STX6: variants seen among roughly 807,000 people sequenced by gnomAD.
STX6 encodes the protein syntaxin 6.
STX6 carries 23 observed loss-of-function variants against 38.0 expected under a neutral mutation model. The ratio of observed to expected loss-of-function variants is 0.60; its 90% CI spans 0.43 to 0.86. The LOEUF is 0.86. Ranked by LOEUF, STX6 falls within the 40% of genes least tolerant of loss-of-function variation. STX6 has a pLI of 0.00. For synonymous variants in STX6, 123 were observed against 107.5 expected, an observed-to-expected ratio of 1.14 and a Z score of -0.89; for missense variants, 274 against 312.9, an observed-to-expected ratio of 0.88 and a Z score of 0.94.
chr1:181,022,237 G>A (rs901220842), intron 1 of STX6, among the ~76,000 whole-genome samples: 1 of 152,100 alleles, frequency 6.6e-6, no homozygotes, highest in African/African-American at 2.4e-5. Context: ...GCTCAGGAGG[G>A]CCATTTCCCT....
At chr1:181,013,874 G>A (rs1028724083) in intron 1 of STX6, among the ~76,000 whole-genome samples, 19 of 152,206 alleles carry the variant, frequency 1.2e-4, no homozygotes, top group Non-Finnish European at 2.6e-4. Flanking sequence ...TGGCTTCAAT[G>A]TAACTGGACT....
intron 6 of STX6, among the ~76,000 whole-genome samples, chr1:180,986,097 G>A (rs1655573912): frequency 6.6e-6 from 1 of 152,240 alleles, no homozygotes; most frequent in Non-Finnish European, 1.5e-5. Flanking sequence ...TTCTGCGCTA[G>A]GTATGACTTT....
At chr1:181,004,583 A>G (rs1371950771) in intron 2 of STX6, among the ~76,000 whole-genome samples, 1 of 152,208 alleles carries the variant, frequency 6.6e-6, no homozygotes, top group African/African-American at 2.4e-5. Flanking sequence ...GAGGCACCTG[A>G]AGAGGGCCTG....
chr1:181,004,684 G>A (rs1040471255), intron 2 of STX6, among the ~76,000 whole-genome samples: 1 of 152,150 alleles, frequency 6.6e-6, no homozygotes, highest in African/African-American at 2.4e-5. Context: ...TACAACAAAT[G>A]GATAAACCTA....
At chr1:180,984,840 A>G in intron 6 of STX6, 69 bp from the exon 7 acceptor site, 1 of 657,584 alleles carries the variant, frequency 1.5e-6, no homozygotes, top group Non-Finnish European at 2.8e-6. Flanking sequence ...GCACTGGGTT[A>G]AAAGGACCAG....
intron 7 of STX6, chr1:180,980,706 C>T (rs183621689): frequency 6.6e-6 from 1 of 152,154 alleles, no homozygotes; most frequent in African/African-American, 2.4e-5. Flanking sequence ...AGGCGCACGC[C>T]ACCACGCCTG....
At chr1:181,018,635 T>C (rs954786972) in intron 1 of STX6, among the ~76,000 whole-genome samples, 2 of 152,098 alleles carry the variant, frequency 1.3e-5, no homozygotes, top group Non-Finnish European at 2.9e-5. Flanking sequence ...ATCCCTGTTG[T>C]GGGATTCTGT....
chr1:180,984,083 A>AAAAC (rs1558087678), intron 7 of STX6, among the ~76,000 whole-genome samples: 1 of 149,336 alleles, frequency 6.7e-6, no homozygotes, highest in East Asian at 1.9e-4. Context: ...AAAAAAAAAA[A>AAAAC]AAAAAAACAC....
chr1:181,011,855 C>T (rs1461439732), intron 1 of STX6, among the ~76,000 whole-genome samples: 1 of 152,208 alleles, frequency 6.6e-6, no homozygotes, highest in Non-Finnish European at 1.5e-5. Context: ...TTGGGAGGAG[C>T]ACTTCACTTT....
chr1:181,022,337 T>C (rs913643566), intron 1 of STX6, among the ~76,000 whole-genome samples: 2 of 152,188 alleles, frequency 1.3e-5, no homozygotes, highest in Admixed American at 6.5e-5. Flanking sequence ...GCGTGTCTCC[T>C]TCCCCACCTG....
chr1:180,989,124 C>T (rs1655674264), intron 5 of STX6: 1 of 152,200 alleles, frequency 6.6e-6, no homozygotes, highest in African/African-American at 2.4e-5. Context: ...TCAAAGGCAT[C>T]AACAGACATA....
chr1:181,017,362 C>T (rs1029250822), intron 1 of STX6, among the ~76,000 whole-genome samples: 15 of 152,190 alleles, frequency 9.9e-5, no homozygotes, highest in Non-Finnish European at 1.6e-4. Flanking sequence ...CACTGCACTC[C>T]AGCCTGGGCA....
chr1:180,989,138 A>G (rs1655674606), intron 5 of STX6: 1 of 152,152 alleles, frequency 6.6e-6, no homozygotes, highest in Non-Finnish European at 1.5e-5. Flanking sequence ...AGACATAATC[A>G]ATTTCATTTT....
chr1:180,994,293 C>G (rs910232545), intron 3 of STX6, among the ~76,000 whole-genome samples: 2 of 152,196 alleles, frequency 1.3e-5, no homozygotes, highest in South Asian at 4.1e-4. Flanking sequence ...GACAAGTAAA[C>G]AGATGAGACA....
chr1:181,012,319 G>A (rs954783216), intron 1 of STX6, among the ~76,000 whole-genome samples: 11 of 152,282 alleles, frequency 7.2e-5, no homozygotes, highest in Non-Finnish European at 1.5e-4. Flanking sequence ...AGCAAATCTT[G>A]CGCTATCCGT....
intron 1 of STX6, among the ~76,000 whole-genome samples, chr1:181,021,747 C>CT (rs1396218500): frequency 6.6e-6 from 1 of 152,212 alleles, no homozygotes; most frequent in Admixed American, 6.5e-5. Flanking sequence ...GTTGAAGACT[C>CT]TATCTCCAAA....
intron 1 of STX6, among the ~76,000 whole-genome samples, chr1:181,017,166 C>T (rs1656582147): frequency 6.6e-6 from 1 of 151,728 alleles, no homozygotes; most frequent in African/African-American, 2.4e-5. Context: ...GTGGGAGGAT[C>T]ACGAGGTCAG....
At position 180,973,538 on chromosome 1, in the gene STX6, C is replaced by A. The variant is rs1429515424; in HGVS notation, c.*3032G>T. The A allele has an allele frequency of 1.3e-5, 2 of 152,604 alleles. No homozygotes were observed. The highest frequency in any genetic ancestry group is 2.4e-5 in the African/African-American group (1 of 41,414). The allele number at this position is 152,604 out of a possible 1,614,324, so 9.5% of individuals were successfully genotyped here. ...TGGAAGTTGCCAAGTTGTTGGCTAC[C>A]AGACCCATCAGTCTGTTTAACTCTG... On this transcript the variant is annotated 3_prime_UTR_variant, in exon 8 of 8. Coordinates refer to ENST00000258301, the MANE Select transcript of STX6 (RefSeq NM_005819.6).
In STX6 at chr1:180,975,515, TG is replaced by T. The variant is rs1216630340; in HGVS notation, c.*1054del. ...AGAACCAAGTTTACCTACACATCCTTGCCATTACCCACAGAGTAAGAGAAGT... is the reference window on the plus strand; with the variant it reads ...AGAACCAAGTTTACCTACACATCCTTCCATTACCCACAGAGTAAGAGAAGT... On this transcript the variant is annotated 3_prime_UTR_variant, in exon 8 of 8. Transcript: ENST00000258301. 1 of 152,642 alleles carries T rather than the reference TG, an allele frequency of 6.6e-6. No homozygotes were observed. The highest frequency in any genetic ancestry group is 1.5e-5 in the Non-Finnish European group (1 of 68,050). The allele number at this position is 152,642 out of a possible 1,614,324, so 9.5% of individuals were successfully genotyped here. A position where few individuals can be genotyped will look rare whatever the true frequency, so the allele number is the denominator to read the frequency against.
Sources: allele counts gnomAD v4.1 joint callset (sites outside exome capture counted in the v4.1 genomes callset), GRCh38; gene constraint gnomAD v4.1.1; transcripts MANE v1.5; gene names NCBI Gene and HGNC (gene_info 2026-07-23, HGNC 2026-07-21).